Variants in GRID1 observed in about 807,000 individuals in gnomAD.
The protein encoded by GRID1 is glutamate receptor ionotropic, delta-1.
In GRID1, 28 loss-of-function variants were observed where a neutral mutation model predicts 98.0. That is an observed-to-expected ratio of 0.29 (90% CI 0.21 to 0.39). The LOEUF (loss-of-function observed/expected upper bound fraction) is 0.39, where lower values mean the gene tolerates loss of function less well. GRID1 is among the 10% of genes least tolerant of loss of function. The pLI, the probability that GRID1 is intolerant of heterozygous loss-of-function variation, is 1.00. For synonymous variants in GRID1, 553 were observed against 538.5 expected, an observed-to-expected ratio of 1.03 and a Z score of -0.37; for missense variants, 1,111 against 1,340.5, an observed-to-expected ratio of 0.83 and a Z score of 2.67.
intron 2 of GRID1, among the ~76,000 whole-genome samples, chr10:86,283,540 C>G (rs988150073): frequency 2.9e-5 from 4 of 138,406 alleles, no homozygotes; most frequent in Non-Finnish European, 6.2e-5. Context: ...CACACACACA[C>G]ACACCTGCCC....
chr10:85,905,423 C>T (rs1841446227), intron 5 of GRID1, among the ~76,000 whole-genome samples: 1 of 151,732 alleles, frequency 6.6e-6, no homozygotes, highest in Non-Finnish European at 1.5e-5. Context: ...GATCAAACTA[C>T]GGATCTTCGC....
intron 6 of GRID1, among the ~76,000 whole-genome samples, chr10:85,856,512 G>A (rs554868434): frequency 6.6e-6 from 1 of 152,314 alleles, no homozygotes; most frequent in East Asian, 1.9e-4. Context: ...ATGGAGGGAA[G>A]GATAAGCAGA....
chr10:86,061,160 T>C (rs996345134), intron 4 of GRID1, among the ~76,000 whole-genome samples: 1 of 152,204 alleles, frequency 6.6e-6, no homozygotes, highest in African/African-American at 2.4e-5. Flanking sequence ...CACTGGCATC[T>C]TTCTCTGCAG....
chr10:85,752,431 T>C (rs1377112397), intron 8 of GRID1, among the ~76,000 whole-genome samples: 3 of 152,196 alleles, frequency 2.0e-5, no homozygotes, highest in Non-Finnish European at 2.9e-5. Context: ...TTACAAATGA[T>C]ATACATATAT....
chr10:85,883,774 C>T (rs1414426950), intron 5 of GRID1, among the ~76,000 whole-genome samples: 3 of 152,190 alleles, frequency 2.0e-5, no homozygotes, highest in East Asian at 1.9e-4. Flanking sequence ...TTAAAGACAC[C>T]GTAAATAGTG....
chr10:86,335,025 G>A (rs371202678), intron 2 of GRID1, among the ~76,000 whole-genome samples: 9 of 152,252 alleles, frequency 5.9e-5, no homozygotes, highest in African/African-American at 2.2e-4. Flanking sequence ...CCACCACCTA[G>A]CACATCCTGC....
At chr10:86,120,441 T>C (rs915530974) in intron 4 of GRID1, among the ~76,000 whole-genome samples, 3 of 152,220 alleles carry the variant, frequency 2.0e-5, no homozygotes, top group Non-Finnish European at 4.4e-5. Context: ...TTATCGTTGA[T>C]TGCTTACTTT....
rs535395535 is a variant in GRID1, at chr10:85,826,156, C to T, written c.1233+28340G>A. Reference sequence around the variant, plus strand: ...AGCCTGACCAACATGGAGAAACCACCCTCATCTCTACTAAAAAAAAAATAC... The same window carrying T: ...AGCCTGACCAACATGGAGAAACCACTCTCATCTCTACTAAAAAAAAAATAC... On this transcript the variant is annotated intron_variant, in intron 8 of 15. Coordinates refer to ENST00000327946, the MANE Select transcript of GRID1 (RefSeq NM_017551.3). Among the ~76,000 whole-genome samples the T allele has an allele frequency of 9.2e-5, 14 of 151,904 alleles. No homozygotes were observed. The South Asian group carries it at 2.9e-3, about 32-fold the overall frequency.
At chr10:85,985,585 C>CTTG (rs1564642738) in intron 4 of GRID1, among the ~76,000 whole-genome samples, 1,641 of 152,300 alleles carry the variant, frequency 0.011, no homozygotes, top group African/African-American at 0.038. Flanking sequence ...GCAGCAAGAA[C>CTTG]CTACATCTGG....
At chr10:86,114,148 G>A (rs764339357) in intron 4 of GRID1, among the ~76,000 whole-genome samples, 3 of 152,098 alleles carry the variant, frequency 2.0e-5, no homozygotes, top group Non-Finnish European at 2.9e-5. Flanking sequence ...AGGGTGGGGC[G>A]GGGGTGTCAG....
intron 8 of GRID1, among the ~76,000 whole-genome samples, chr10:85,783,956 G>A (rs1044321665): frequency 4.6e-5 from 7 of 152,284 alleles, no homozygotes; most frequent in Middle Eastern, 6.8e-3. Context: ...GGGAGATATC[G>A]CTGGCATCAG....
chr10:86,085,792 C>T (rs1844045314), intron 4 of GRID1, among the ~76,000 whole-genome samples: 1 of 152,094 alleles, frequency 6.6e-6, no homozygotes, highest in Admixed American at 6.5e-5. Context: ...ATCCCACAGC[C>T]CGTGGCATCA....
At chr10:85,648,737 G>A (rs939449019) in intron 12 of GRID1, among the ~76,000 whole-genome samples, 1 of 152,164 alleles carries the variant, frequency 6.6e-6, no homozygotes, top group Non-Finnish European at 1.5e-5. Context: ...ACCTCTACAA[G>A]CCCGTTGAAA....
intron 3 of GRID1, among the ~76,000 whole-genome samples, chr10:86,194,218 T>A (rs1845843176): frequency 6.6e-6 from 1 of 152,094 alleles, no homozygotes; most frequent in African/African-American, 2.4e-5. Flanking sequence ...TACTTAGAGA[T>A]ACATGCATGA....
At chr10:85,687,607 G>T (rs1207458446) in intron 12 of GRID1, among the ~76,000 whole-genome samples, 1 of 151,834 alleles carries the variant, frequency 6.6e-6, no homozygotes, top group East Asian at 1.9e-4. Context: ...TCCAGCCTGG[G>T]TGACAGAGCA....
intron 4 of GRID1, among the ~76,000 whole-genome samples, chr10:85,937,216 T>C (rs1285518414): frequency 6.6e-6 from 1 of 152,172 alleles, no homozygotes; most frequent in Non-Finnish European, 1.5e-5. Flanking sequence ...CATTAGTACT[T>C]CTAAAGAAGA....
chr10:86,155,160 T>C (rs1035078595), intron 3 of GRID1, among the ~76,000 whole-genome samples: 8 of 152,252 alleles, frequency 5.3e-5, no homozygotes, highest in African/African-American at 4.8e-5. Context: ...CTCTGCCAGA[T>C]GCCCTCTGCC....
intron 3 of GRID1, among the ~76,000 whole-genome samples, chr10:86,189,706 T>A (rs1023466922): frequency 6.6e-6 from 1 of 152,142 alleles, no homozygotes; most frequent in Non-Finnish European, 1.5e-5. Context: ...CTGTGCGATG[T>A]TTATCAGCAT....
chr10:86,347,515 C>G (rs1252222557), intron 2 of GRID1, among the ~76,000 whole-genome samples: 1 of 152,214 alleles, frequency 6.6e-6, no homozygotes, highest in East Asian at 1.9e-4. Context: ...CTGTGAGACT[C>G]TTGTTAAATA....
Sources: gnomAD v4.1 joint callset for allele counts (sites outside exome capture counted in the v4.1 genomes callset) on GRCh38, gnomAD v4.1.1 for gene constraint, MANE v1.5 for transcripts, NCBI Gene and HGNC (gene_info 2026-07-23, HGNC 2026-07-21) for gene names.